SORD: variants seen among roughly 807,000 people sequenced by gnomAD.
SORD encodes the protein (R,R)-butanediol dehydrogenase.
A neutral mutation model predicts 35.6 loss-of-function variants in SORD; 18 were observed. The observed-to-expected ratio is 0.51, with a 90% CI of 0.35 to 0.75. The LOEUF (loss-of-function observed/expected upper bound fraction) is 0.75, where lower values mean the gene tolerates loss of function less well. Among genes scored for constraint, SORD ranks in the 30% least tolerant of loss-of-function variants. The pLI, the probability that SORD is intolerant of heterozygous loss-of-function variation, is 0.01. For missense variants in SORD, 250 were observed against 390.2 expected (o/e 0.64, Z 3.03); for synonymous variants, 106 against 152.9 (o/e 0.69, Z 2.26).
chr15:45,061,848 A>C (rs571136110), intron 4 of SORD, among the ~76,000 whole-genome samples: 39 of 151,952 alleles, frequency 2.6e-4, no homozygotes, highest in Admixed American at 1.4e-3. Context: ...CAGCCTGGGC[A>C]ACAGACCGAG....
intron 7 of SORD, among the ~76,000 whole-genome samples, chr15:45,070,974 C>T (rs930775368): frequency 6.6e-6 from 1 of 152,200 alleles, no homozygotes; most frequent in African/African-American, 2.4e-5. Context: ...TGACGTCACG[C>T]ATGACGGGTG....
rs1267139833 is a variant in SORD, at chr15:45,061,161, T to C, written c.360T>C (p.Cys120=). 5.0e-6 allele frequency: 8 copies of C among 1,614,180 alleles called. No homozygotes were observed. Among genetic ancestry groups the C allele is most frequent in the Non-Finnish European group, 6.8e-6 (8 of 1,180,026 alleles). Residue 120 remains cysteine, a synonymous_variant, in exon 4 of 9, where the codon TGT becomes TGC. Transcript: ENST00000267814. The part of the protein sequence containing the change: ...RYNLSPSIFF[C]ATPPDDGNLC... ...ATCTGTCACCTTCCATCTTCTTCTG[T>C]GCCACGCCCCCCGATGACGGGAACC...
At chr15:45,030,856 A>G (rs1038515972) in intron 1 of SORD, among the ~76,000 whole-genome samples, 8 of 152,236 alleles carry the variant, frequency 5.3e-5, no homozygotes, top group African/African-American at 1.7e-4. Flanking sequence ...GTGATGCCTG[A>G]GCACCAGTCC....
intron 1 of SORD, among the ~76,000 whole-genome samples, chr15:45,038,128 CT>C (rs1892900235): frequency 3.3e-3 from 43 of 13,030 alleles, no homozygotes; most frequent in East Asian, 0.013. Flanking sequence ...CGCATCCTCC[CT>C]TCCTTCCTTC....
intron 6 of SORD, 106 bp from the exon 7 acceptor site, chr15:45,068,771 G>C (rs1446850917): frequency 4.3e-6 from 6 of 1,402,852 alleles, no homozygotes; most frequent in Non-Finnish European, 4.7e-6. Flanking sequence ...TTGCACGAGA[G>C]CTTTGTTGCC....
intron 2 of SORD, among the ~76,000 whole-genome samples, chr15:45,042,130 G>C (rs11634731): frequency 0.13 from 20,036 of 151,982 alleles, 1,403 homozygotes; most frequent in South Asian, 0.22. Context: ...ACCATCATCT[G>C]AGTCAGAGAT....
rs2854442 is a variant in SORD at position 45,067,896 on chromosome 15, G to C, written c.545-285G>C. Reference sequence around the variant, plus strand: ...TTCCTTGAATCCTGTGGTTCTTTGAGATTATCTCCACTAGTGCCCAGGAGT... The same window carrying C: ...TTCCTTGAATCCTGTGGTTCTTTGACATTATCTCCACTAGTGCCCAGGAGT... On this transcript the variant is annotated intron_variant, in intron 5 of 8. Transcript: ENST00000267814. Among the ~76,000 whole-genome samples the C allele has an allele frequency of 0.7, 106,491 of 152,168 alleles. 42,939 individuals carry two copies. The highest frequency in any genetic ancestry group is 0.9 in the South Asian group (4,341 of 4,822).
intron 1 of SORD, among the ~76,000 whole-genome samples, chr15:45,025,624 C>CAAA (rs34029087): frequency 1.6e-3 from 106 of 68,234 alleles, no homozygotes; most frequent in African/African-American, 4.9e-3. Flanking sequence ...AAAACTATGT[C>CAAA]AAAAAAAAAA....
intron 5 of SORD, among the ~76,000 whole-genome samples, chr15:45,065,777 AGGTGT>A (rs1893395524): frequency 6.6e-6 from 1 of 151,984 alleles, no homozygotes; most frequent in Non-Finnish European, 1.5e-5. Flanking sequence ...AAAAATTAGC[AGGTGT>A]GGTAGTGTGT....
At chr15:45,050,853 A>G (rs1277856529) in intron 3 of SORD, among the ~76,000 whole-genome samples, 2 of 152,230 alleles carry the variant, frequency 1.3e-5, no homozygotes, top group Non-Finnish European at 2.9e-5. Context: ...CTCAAAAGAA[A>G]AATTCCCTTG....
At position 45,025,771 on chromosome 15, in the gene SORD, T is replaced by C. The variant is rs182291326; in HGVS notation, c.66+2422T>C. ...AGTCCTTTGCTCCTCTACTGAGCAG[T>C]ACTGCACTGCCCCGCCACCCAGGAG... On this transcript the variant is annotated intron_variant, in intron 1 of 8. Transcript: ENST00000267814. Among the ~76,000 whole-genome samples the C allele has an allele frequency of 2.4e-3, 369 of 152,280 alleles. 2 individuals are homozygous for C. Among genetic ancestry groups the C allele is most frequent in the South Asian group, 4.6e-3 (22 of 4,826 alleles).
chr15:45,066,107 G>C (rs1217677813), intron 5 of SORD, among the ~76,000 whole-genome samples: 4 of 151,518 alleles, frequency 2.6e-5, no homozygotes, highest in Admixed American at 2.0e-4. Context: ...AGCCAGGCGT[G>C]GTGGTGCACC....
Position 45,023,245 on chromosome 15 carries a change from C to G in SORD, c.-39C>G, listed in dbSNP as rs1892617301. The G allele has an allele frequency of 6.6e-7, 1 of 1,510,748 alleles. No homozygotes were observed. The highest frequency in any genetic ancestry group is 8.9e-7 in the Non-Finnish European group (1 of 1,128,042). 93.6% of individuals were successfully genotyped at this position (1,510,748 alleles called of 1,614,324 possible). A position where few individuals can be genotyped will look rare whatever the true frequency, so the allele number is the denominator to read the frequency against. On this transcript the variant is annotated 5_prime_UTR_variant, in exon 1 of 9. Transcript: ENST00000267814. ...GCGCCACCAGAGCGACCAAACGTCC[C>G]GCGCCTTCCAGGCCGCACTCCAGAG...
chr15:45,068,965 C>G lies in SORD; in HGVS notation c.699C>G (p.Ala233=), dbSNP rs374020622. The change falls in exon 7 of 9, where the codon GCC becomes GCG. Residue 233 remains alanine (A), a synonymous_variant. Transcript: ENST00000267814. The part of the protein sequence containing the change: ...QISKESPQEI[A]RKVEGQLGCK... ...CCAAGGAGAGCCCTCAGGAAATCGC[C>G]AGGAAAGTAGAAGGTCAGCTGGGGT... 88 of 1,605,098 alleles carry G rather than the reference C, an allele frequency of 5.5e-5. 1 individual carries two copies. Among genetic ancestry groups the G allele is most frequent in the Non-Finnish European group, 4.4e-5 (52 of 1,177,160 alleles).
intron 4 of SORD, among the ~76,000 whole-genome samples, chr15:45,063,706 A>G (rs1353494678): frequency 6.6e-6 from 1 of 152,168 alleles, no homozygotes; most frequent in Non-Finnish European, 1.5e-5. Flanking sequence ...CTCTGCATAG[A>G]GCCCTTATAA....
intron 1 of SORD, among the ~76,000 whole-genome samples, chr15:45,033,069 C>T (rs1390051016): frequency 6.6e-6 from 1 of 151,952 alleles, no homozygotes; most frequent in African/African-American, 2.4e-5. Context: ...ACATTGCACT[C>T]TTTCCACAAC....
chr15:45,039,778 G>A (rs1004163694), intron 1 of SORD, among the ~76,000 whole-genome samples: 7 of 152,108 alleles, frequency 4.6e-5, no homozygotes, highest in Admixed American at 4.6e-4. Flanking sequence ...TCTCCTACCT[G>A]TCTAGCGGGA....
intron 3 of SORD, among the ~76,000 whole-genome samples, chr15:45,059,819 T>C (rs534187984): frequency 1.3e-5 from 2 of 152,158 alleles, no homozygotes; most frequent in Admixed American, 6.5e-5. Context: ...CACAACAACA[T>C]AGATCAATCT....
At chr15:45,040,079 C>A (rs1413554392) in intron 1 of SORD, among the ~76,000 whole-genome samples, 1 of 151,898 alleles carries the variant, frequency 6.6e-6, no homozygotes, top group Non-Finnish European at 1.5e-5. Context: ...GGGAGGGAAC[C>A]CAGCGTCAGA....
Sources: allele counts gnomAD v4.1 joint callset (sites outside exome capture counted in the v4.1 genomes callset), GRCh38; gene constraint gnomAD v4.1.1; transcripts MANE v1.5; gene names NCBI Gene and HGNC (gene_info 2026-07-23, HGNC 2026-07-21).